USP24: variants seen among roughly 807,000 people sequenced by gnomAD.
USP24 encodes the protein ubiquitin carboxyl-terminal hydrolase 24.
USP24 carries 97 observed loss-of-function variants against 361.6 expected under a neutral mutation model. The observed-to-expected ratio is 0.27, with a 90% confidence interval of 0.23 to 0.32. The LOEUF (loss-of-function observed/expected upper bound fraction) is 0.32, where lower values mean the gene tolerates loss of function less well. Among genes scored for constraint, USP24 ranks in the 10% least tolerant of loss-of-function variants. The probability of loss-of-function intolerance (pLI) is 1.00; values close to 1 mark genes in which losing one functional copy is unlikely to be tolerated. For missense variants in USP24, 2,353 were observed against 3,165.6 expected (o/e 0.74, Z 6.16); for synonymous variants, 1,098 against 1,124.6 (o/e 0.98, Z 0.47).
intron 30 of USP24, among the ~76,000 whole-genome samples, 186 bp downstream of exon 30, chr1:55,133,884 T>G (rs1646662592): frequency 1.3e-5 from 2 of 152,134 alleles, no homozygotes; most frequent in Non-Finnish European, 2.9e-5. Context: ...CCTCCCACCT[T>G]GGCCTCCCAA....
chr1:55,134,034 T>C (rs760066087), intron 30 of USP24, 36 bp downstream of exon 30: 38 of 1,529,234 alleles, frequency 2.5e-5, no homozygotes, highest in Middle Eastern at 1.7e-4. Flanking sequence ...TGAATTGTGA[T>C]ATAAAATTGC....
intron 38 of USP24, among the ~76,000 whole-genome samples, chr1:55,115,495 C>CAAAAAAAAA (rs1165658382): frequency 0.061 from 2,745 of 45,278 alleles, 416 homozygotes; most frequent in Middle Eastern, 0.075. Context: ...GACTCCGCCT[C>CAAAAAAAAA]AAAAAAAAAA....
chr1:55,146,157 C>T, intron 19 of USP24, 48 bp from the exon 20 acceptor site: 1 of 1,361,736 alleles, frequency 7.3e-7, no homozygotes. Context: ...CCATTTCAGG[C>T]ACATACATAT....
intron 38 of USP24, among the ~76,000 whole-genome samples, chr1:55,114,220 C>G (rs1646039156): frequency 6.6e-6 from 1 of 152,106 alleles, no homozygotes; most frequent in African/African-American, 2.4e-5. Context: ...GAACTACAAA[C>G]CACTGCTCAA....
chr1:55,099,890 GT>G (rs1420905763), intron 44 of USP24, 21 bp from the exon 45 acceptor site: 1 of 1,516,622 alleles, frequency 6.6e-7, no homozygotes, highest in South Asian at 1.2e-5. Context: ...AAAATTAAAT[GT>G]TTTTAAAGGA....
chr1:55,097,772 T>C (rs1645531615), intron 47 of USP24, 55 bp from the exon 48 acceptor site: 1 of 1,511,828 alleles, frequency 6.6e-7, no homozygotes, highest in Admixed American at 2.6e-5. Flanking sequence ...ATGGAGAAAA[T>C]AAAACAGCAC....
intron 1 of USP24, among the ~76,000 whole-genome samples, chr1:55,186,352 G>A (rs1557684730): frequency 6.6e-6 from 1 of 152,120 alleles, no homozygotes; most frequent in South Asian, 2.1e-4. Context: ...CACCTACAAT[G>A]AATAACACTA....
At chr1:55,153,056 C>T (rs1029591589) in intron 16 of USP24, among the ~76,000 whole-genome samples, 8 of 152,252 alleles carry the variant, frequency 5.3e-5, no homozygotes, top group African/African-American at 1.9e-4. Context: ...AATCAGAAAG[C>T]GGAAGCCTTT....
intron 17 of USP24, 110 bp downstream of exon 17, chr1:55,148,353 C>T (rs992409550): frequency 3.2e-6 from 2 of 626,658 alleles, no homozygotes; most frequent in East Asian, 3.5e-5. Context: ...AAGTGAATTA[C>T]ATCAATAAAC....
chr1:55,161,681 A>G (rs1381016171), intron 8 of USP24, among the ~76,000 whole-genome samples: 1 of 152,198 alleles, frequency 6.6e-6, no homozygotes, highest in Non-Finnish European at 1.5e-5. Flanking sequence ...AGGATAGCAG[A>G]ATAGGCTTTT....
At position 55,123,611 on chromosome 1, in the gene USP24, A is replaced by G; in HGVS notation, c.4121-9T>C. 2 of 1,582,068 alleles carry G rather than the reference A, an allele frequency of 1.3e-6. No homozygotes were observed. The highest frequency in any genetic ancestry group is 1.7e-6 in the Non-Finnish European group (2 of 1,163,244). ...AGAGCTGCAATTGCTTCCTGAAAAC[A>G]GGTAAGCAGAAATTTACTGTGGATC... On this transcript the variant is annotated splice_polypyrimidine_tract_variant and intron_variant, in intron 35 of 67. Transcript: ENST00000294383.
chr1:55,128,035 C>T (rs12760373), intron 32 of USP24, among the ~76,000 whole-genome samples: 1,618 of 152,304 alleles, frequency 0.011, 23 homozygotes, highest in Non-Finnish European at 0.019. Context: ...ATACCATCTA[C>T]TTCACATGAC....
intron 58 of USP24, 39 bp downstream of exon 58, chr1:55,083,233 C>T (rs1182427252): frequency 1.3e-6 from 2 of 1,581,970 alleles, no homozygotes; most frequent in South Asian, 1.1e-5. Context: ...GCTATGAAAA[C>T]CATAGCTATT....
chr1:55,116,908 C>T (rs1570447481), intron 38 of USP24, among the ~76,000 whole-genome samples: 1 of 152,182 alleles, frequency 6.6e-6, no homozygotes, highest in East Asian at 1.9e-4. Context: ...AACTACAGAC[C>T]AATATCCCTT....
rs114127338 is a variant in USP24 at position 55,122,353 on chromosome 1, C to T, written c.4277-847G>A. On this transcript the variant is annotated intron_variant, in intron 36 of 67. Coordinates refer to ENST00000294383, the MANE Select transcript of USP24 (RefSeq NM_015306.3). ...GGAACAGCAAGGAGCCCAGGGTGGC[C>T]GAAGCACAGTGAGTAAAGGGAAGAG... 4.4e-3 allele frequency among the ~76,000 whole-genome samples: 662 copies of T among 152,048 alleles called. 1 individual carries two copies. The highest frequency in any genetic ancestry group is 7.0e-3 in the Non-Finnish European group (477 of 68,002).
At chr1:55,187,942 G>A (rs948435109) in intron 1 of USP24, among the ~76,000 whole-genome samples, 2 of 152,076 alleles carry the variant, frequency 1.3e-5, no homozygotes, top group African/African-American at 4.8e-5. Flanking sequence ...AATTTACAAG[G>A]AACCCTGAAT....
chr1:55,139,060 C>A, intron 24 of USP24, 50 bp from the exon 25 acceptor site: 3 of 1,491,212 alleles, frequency 2.0e-6, no homozygotes, highest in Non-Finnish European at 2.7e-6. Flanking sequence ...GTGTGATGAT[C>A]TGAGCTCAGT....
chr1:55,118,286 A>G (rs1378530810), intron 38 of USP24, among the ~76,000 whole-genome samples: 1 of 152,214 alleles, frequency 6.6e-6, no homozygotes, highest in Admixed American at 6.5e-5. Flanking sequence ...AGACCAATGC[A>G]ATAGAAATAT....
intron 13 of USP24, 52 bp downstream of exon 13, chr1:55,154,619 A>G: frequency 1.3e-6 from 2 of 1,553,824 alleles, no homozygotes; most frequent in South Asian, 1.1e-5. Flanking sequence ...GGACCTCAAA[A>G]GAGCTTATTT....
Sources: gnomAD v4.1 joint callset for allele counts (sites outside exome capture counted in the v4.1 genomes callset) on GRCh38, gnomAD v4.1.1 for gene constraint, MANE v1.5 for transcripts, NCBI Gene and HGNC (gene_info 2026-07-23, HGNC 2026-07-21) for gene names.